Variants in COL4A4 observed in about 807,000 individuals in gnomAD.
COL4A4 encodes collagen alpha-4(IV) chain.
In COL4A4, 105 loss-of-function variants were observed where a neutral mutation model predicts 192.9. The observed-to-expected ratio is 0.54, with a 90% CI of 0.46 to 0.64. The LOEUF is 0.64. Among genes scored for constraint, COL4A4 ranks in the 30% least tolerant of loss-of-function variants. COL4A4 has a pLI of 0.00. For synonymous variants in COL4A4, 762 were observed against 769.9 expected, an observed-to-expected ratio of 0.99 and a Z score of 0.17; for missense variants, 1,967 against 2,169.3, an observed-to-expected ratio of 0.91 and a Z score of 1.85.
At chr2:227,021,574 C>T (rs907966347) in intron 44 of COL4A4, among the ~76,000 whole-genome samples, 1 of 152,096 alleles carries the variant, frequency 6.6e-6, no homozygotes, top group African/African-American at 2.4e-5. Flanking sequence ...GCCTGTAATC[C>T]CAGCACTTTG....
At position 227,007,358 on chromosome 2, in the gene COL4A4, G is replaced by A. The variant is rs1962362228; in HGVS notation, c.5040C>T (p.Ile1680=). The A allele has an allele frequency of 1.2e-6, 2 of 1,614,140 alleles. No homozygotes were observed. Among genetic ancestry groups the A allele is most frequent in the South Asian group, 2.2e-5 (2 of 91,092 alleles). The change falls in exon 48 of 48, where the codon ATC becomes ATT. Residue 1680 remains isoleucine (I), a synonymous_variant. Coordinates refer to ENST00000396625, the MANE Select transcript of COL4A4 (RefSeq NM_000092.5). ...ACTTCACGCAGACCTGGCACCGGCTGATTTTCTGGCGTTGGGCCTGGCTTT... is the reference window on the plus strand; with the variant it reads ...ACTTCACGCAGACCTGGCACCGGCTAATTTTCTGGCGTTGGGCCTGGCTTT... ...LKESQAQRQK[I]SRCQVCVKYS
chr2:227,042,586 A>G (rs879537831), intron 36 of COL4A4, among the ~76,000 whole-genome samples: 4 of 152,142 alleles, frequency 2.6e-5, no homozygotes, highest in Non-Finnish European at 4.4e-5. Flanking sequence ...CAAACAAAAC[A>G]GCATCCTGAA....
chr2:227,037,281 T>C (rs1046044306), intron 37 of COL4A4, among the ~76,000 whole-genome samples: 1 of 152,192 alleles, frequency 6.6e-6, no homozygotes, highest in Non-Finnish European at 1.5e-5. Context: ...TTCCTCTCCC[T>C]ATGTCCATGT....
In COL4A4 at chr2:227,007,003, A is replaced by G. The variant is rs775528817; in HGVS notation, c.*322T>C. 2.7e-6 allele frequency: 1 copy of G among 377,132 alleles called. No individual in the cohort carries two copies. The highest frequency in any genetic ancestry group is 5.0e-6 in the Non-Finnish European group (1 of 199,490). The allele number at this position is 377,132 out of a possible 1,614,324, so 23.4% of individuals were successfully genotyped here. ...TAACCCAAGAATGAAGTTTTCAGTA[A>G]TGTAATTTGTAATCTGGCCTTTATC... On this transcript the variant is annotated 3_prime_UTR_variant, in exon 48 of 48. Coordinates refer to ENST00000396625, the MANE Select transcript of COL4A4 (RefSeq NM_000092.5).
chr2:226,976,291 A>AC, the COL4A4 span, among the ~76,000 whole-genome samples: 19 of 146,558 alleles, frequency 1.3e-4, no homozygotes, highest in Admixed American at 6.3e-4. Flanking sequence ...GGATATGCCC[A>AC]CCCCCCTGGA....
chr2:227,068,646 G>A (rs946730831), intron 25 of COL4A4, among the ~76,000 whole-genome samples: 2 of 151,904 alleles, frequency 1.3e-5, no homozygotes, highest in African/African-American at 4.9e-5. Flanking sequence ...ATGCAGAAAA[G>A]GCCTTTGACA....
At chr2:227,088,160 T>A (rs2059702288) in intron 22 of COL4A4, among the ~76,000 whole-genome samples, 1 of 152,224 alleles carries the variant, frequency 6.6e-6, no homozygotes, top group Admixed American at 6.5e-5. Flanking sequence ...GGCATTAGCA[T>A]AATGTTTGTA....
At chr2:227,109,768 GC>G (rs1194115983) in intron 9 of COL4A4, among the ~76,000 whole-genome samples, 2 of 147,894 alleles carry the variant, frequency 1.4e-5, no homozygotes, top group African/African-American at 5.0e-5. Context: ...AAAGCACCAA[GC>G]TAAAGGTAGC....
rs766771700 is a variant in COL4A4, at chr2:227,010,418, G to T, written c.4417C>A (p.Gln1473Lys). ...LGGFLLVLHSQTDQEPTCPLG... is the reference protein window; with the variant it reads ...LGGFLLVLHSKTDQEPTCPLG... ...GGGCAGGTGGGCTCCTGGTCCGTCT[G>T]ACTGTGGAGAACCAGGAGGAAGCCA... is the stretch of plus-strand genomic sequence containing the variant. Residue 1473 changes from glutamine to lysine, a missense_variant, in exon 46 of 48, where the codon CAG (glutamine) becomes AAG (lysine). Coordinates refer to ENST00000396625, the MANE Select transcript of COL4A4 (RefSeq NM_000092.5). 18 of 1,614,016 alleles carry T rather than the reference G, an allele frequency of 1.1e-5. No individual in the cohort carries two copies. Among genetic ancestry groups the T allele is most frequent in the Non-Finnish European group, 1.4e-5 (16 of 1,179,998 alleles).
In COL4A4 at chr2:227,045,953, ATATATG is replaced by A. The variant is rs1352318028; in HGVS notation, c.3289+1516_3289+1521del. Among the ~76,000 whole-genome samples the A allele has an allele frequency of 5.1e-3, 436 of 86,140 alleles. 105 individuals carry two copies. The highest frequency in any genetic ancestry group is 0.02 in the African/African-American group (394 of 19,280). 56.5% of individuals were successfully genotyped at this position (86,140 alleles called of 152,430 possible). A position where few individuals can be genotyped will look rare whatever the true frequency, so the allele number is the denominator to read the frequency against. Reference sequence around the variant, plus strand: ...TATATATGTATATATGTATATATGTATATATGTATATATTTATATGTGTATATGTAT... The same window carrying A: ...TATATATGTATATATGTATATATGTATATATATTTATATGTGTATATGTAT... On this transcript the variant is annotated intron_variant, in intron 35 of 47. Transcript: ENST00000396625.
intron 12 of COL4A4, among the ~76,000 whole-genome samples, chr2:227,107,791 C>T (rs1368177228): frequency 1.6e-5 from 2 of 124,078 alleles, no homozygotes; most frequent in East Asian, 4.7e-4. Flanking sequence ...CAGAGTCTTG[C>T]TTTGTCACCA....
At chr2:226,991,906 C>T in the COL4A4 span, among the ~76,000 whole-genome samples, 7 of 152,274 alleles carry the variant, frequency 4.6e-5, no homozygotes, top group African/African-American at 1.4e-4. Context: ...GGTGTCTCCA[C>T]GAGTCCCAGG....
the COL4A4 span, chr2:226,988,532 G>A: frequency 6.8e-7 from 1 of 1,467,762 alleles, no homozygotes; most frequent in South Asian, 1.5e-5. Flanking sequence ...TGCCCGCACT[G>A]TGCCAGGCTG....
chr2:227,012,681 A>G (rs1964028617), intron 44 of COL4A4, among the ~76,000 whole-genome samples: 1 of 151,800 alleles, frequency 6.6e-6, no homozygotes, highest in Non-Finnish European at 1.5e-5. Context: ...TATAATAAAT[A>G]TTTTCCTTAA....
intron 20 of COL4A4, 146 bp from the exon 21 acceptor site, chr2:227,090,103 T>G: frequency 1.6e-6 from 1 of 630,258 alleles, no homozygotes; most frequent in South Asian, 1.9e-5. Context: ...TTCCTAGGAT[T>G]CTTTCTGTCT....
chr2:227,144,469 A>G (rs1421072366), intron 3 of COL4A4, 47 bp downstream of exon 3: 2 of 1,527,228 alleles, frequency 1.3e-6, no homozygotes, highest in Non-Finnish European at 1.8e-6. Flanking sequence ...TATGCATTCT[A>G]TAAAGTGAAT....
chr2:226,991,721 A>G, the COL4A4 span, among the ~76,000 whole-genome samples: 1 of 152,206 alleles, frequency 6.6e-6, no homozygotes, highest in Non-Finnish European at 1.5e-5. Context: ...GACCAAGAGC[A>G]AGAGGGTAGC....
chr2:227,041,857 AGAAAGAAAG>A, intron 37 of COL4A4, among the ~76,000 whole-genome samples: 2 of 106,702 alleles, frequency 1.9e-5, no homozygotes, highest in African/African-American at 7.8e-5. Flanking sequence ...AGAGAAAGAA[AGAAAGAAAG>A]AAAGAAAGAA....
intron 4 of COL4A4, among the ~76,000 whole-genome samples, chr2:227,122,341 A>C (rs1458566649): frequency 6.6e-6 from 1 of 152,240 alleles, no homozygotes; most frequent in African/African-American, 2.4e-5. Context: ...AATTTTTGCA[A>C]AGATTTAAGA....
Sources: allele counts gnomAD v4.1 joint callset (sites outside exome capture counted in the v4.1 genomes callset), GRCh38; gene constraint gnomAD v4.1.1; transcripts MANE v1.5; gene names NCBI Gene and HGNC (gene_info 2026-07-23, HGNC 2026-07-21).